The following RAE1 variants were observed in gnomAD, a reference collection of about 807,000 sequenced individuals.
RAE1 encodes mRNA export factor RAE1.
RAE1 carries 13 observed loss-of-function variants against 52.7 expected under a neutral mutation model. That is an observed-to-expected ratio of 0.25 (90% confidence interval 0.16 to 0.39). The LOEUF is 0.39. Ranked by LOEUF, RAE1 falls within the 10% of genes least tolerant of loss-of-function variation. RAE1 has a pLI of 1.00. For synonymous variants in RAE1, 164 were observed against 153.1 expected (o/e 1.07, Z -0.52); for missense variants, 262 against 459.8 (o/e 0.57, Z 3.93).
chr20:57,356,893 G>A (rs13433128), intron 4 of RAE1, among the ~76,000 whole-genome samples: 6,049 of 152,290 alleles, frequency 0.04, 177 homozygotes, highest in African/African-American at 0.089. Context: ...CACCTGGCGC[G>A]GGAGAGCCAG....
intron 4 of RAE1, among the ~76,000 whole-genome samples, chr20:57,361,476 G>A (rs1600714469): frequency 1.3e-5 from 2 of 152,292 alleles, no homozygotes; most frequent in South Asian, 2.1e-4. Flanking sequence ...GTTTACCTAG[G>A]TTGATGGTAA....
At chr20:57,370,514 C>CT (rs2067020928) in intron 8 of RAE1, among the ~76,000 whole-genome samples, 1 of 152,192 alleles carries the variant, frequency 6.6e-6, no homozygotes, top group Non-Finnish European at 1.5e-5. Flanking sequence ...GCCCTGTGGA[C>CT]TGGAGACTCG....
intron 1 of RAE1, 61 bp from the exon 2 acceptor site, chr20:57,353,971 C>A (rs751901486): frequency 7.1e-6 from 10 of 1,402,976 alleles, no homozygotes; most frequent in African/African-American, 1.4e-5. Flanking sequence ...AATTATCTTA[C>A]CATTGCCTCT....
At chr20:57,355,146 C>T (rs2066766170) in intron 3 of RAE1, among the ~76,000 whole-genome samples, 1 of 152,184 alleles carries the variant, frequency 6.6e-6, no homozygotes, top group South Asian at 2.1e-4. Context: ...TCTTGGCATC[C>T]TGACAGTGTT....
chr20:57,358,635 GAACA>G (rs757792113), intron 4 of RAE1: 9 of 184,646 alleles, frequency 4.9e-5, no homozygotes, highest in Non-Finnish European at 1.0e-4. Context: ...TTTAATCATT[GAACA>G]AACAAACTCT....
At chr20:57,370,516 G>A (rs1265682147) in intron 8 of RAE1, among the ~76,000 whole-genome samples, 1 of 152,172 alleles carries the variant, frequency 6.6e-6, no homozygotes, top group Non-Finnish European at 1.5e-5. Context: ...CCTGTGGACT[G>A]GAGACTCGTA....
chr20:57,377,640 G>A (rs1334473484), intron 11 of RAE1, among the ~76,000 whole-genome samples: 2 of 152,154 alleles, frequency 1.3e-5, no homozygotes, highest in African/African-American at 4.8e-5. Context: ...TACCCCGCAG[G>A]TCAGATGTCC....
intron 10 of RAE1, 82 bp downstream of exon 10, chr20:57,373,820 AG>A (rs1452504511): frequency 2.9e-6 from 4 of 1,399,270 alleles, no homozygotes; most frequent in Non-Finnish European, 4.0e-6. Flanking sequence ...GGATCAGAAA[AG>A]ACTCATCACT....
chr20:57,351,822 GT>G (rs1342061853), intron 1 of RAE1: 1 of 985,296 alleles, frequency 1.0e-6, no homozygotes, highest in Non-Finnish European at 1.2e-6. Flanking sequence ...TTTCGTAGCA[GT>G]TACCAGTCTC....
intron 8 of RAE1, chr20:57,373,199 GC>G (rs1439256781): frequency 2.3e-6 from 1 of 440,598 alleles, no homozygotes; most frequent in African/African-American, 2.0e-5. Flanking sequence ...AGCCCATGGG[GC>G]TCTGCTGGCG....
At chr20:57,372,707 G>T (rs576671265) in intron 8 of RAE1, 2 of 152,398 alleles carry the variant, frequency 1.3e-5, no homozygotes, top group African/African-American at 4.8e-5. Context: ...GATGCCAGAG[G>T]CTGCTTCTCC....
rs1467727700 is a variant in RAE1 at position 57,365,469 on chromosome 20, A to G, written c.375+27A>G. 9.3e-6 allele frequency: 14 copies of G among 1,512,452 alleles called. No homozygotes were observed. In the African/African-American group the frequency reaches 1.2e-4, roughly 13 times the overall value. The allele number at this position is 1,512,452 out of a possible 1,614,324, so 93.7% of individuals were successfully genotyped here. The stretch of plus-strand genomic sequence containing the variant: ...TAACAGAAGCCTCTGCAGAAAGGCT[A>G]GGCACAACTGGTACCCAGGACTGTG... On this transcript the variant is annotated intron_variant, in intron 5 of 11. Transcript: ENST00000395841.
At chr20:57,355,744 A>G (rs954285481) in intron 3 of RAE1, among the ~76,000 whole-genome samples, 18 of 152,358 alleles carry the variant, frequency 1.2e-4, no homozygotes, top group Middle Eastern at 3.4e-3. Context: ...TTTGAACTGT[A>G]GCCTACAGCA....
intron 4 of RAE1, among the ~76,000 whole-genome samples, chr20:57,356,892 C>T (rs948326025): frequency 2.6e-5 from 4 of 152,136 alleles, no homozygotes; most frequent in East Asian, 1.9e-4. Context: ...CCACCTGGCG[C>T]GGGAGAGCCA....
chr20:57,358,629 A>G, intron 4 of RAE1: 1 of 178,984 alleles, frequency 5.6e-6, no homozygotes, highest in Non-Finnish European at 1.2e-5. Context: ...TAGGACTTTA[A>G]TCATTGAACA....
At chr20:57,377,866 G>T in intron 11 of RAE1, 147 bp from the exon 12 acceptor site, 1 of 605,126 alleles carries the variant, frequency 1.7e-6, no homozygotes, top group Non-Finnish European at 2.8e-6. Context: ...GTTCTGCTTC[G>T]CATTTGACTT....
rs747338977 is a variant in RAE1, at chr20:57,366,843, G to A, written c.412G>A (p.Ala138Thr). 9 of 1,613,834 alleles carry A rather than the reference G, an allele frequency of 5.6e-6. No individual in the cohort carries two copies. Among genetic ancestry groups the A allele is most frequent in the South Asian group, 4.4e-5 (4 of 91,070 alleles). The change falls in exon 6 of 12, where the codon GCT (alanine) becomes ACT (threonine). Residue 138 changes from alanine (A) to threonine (T), a missense_variant. Transcript: ENST00000395841. The stretch of plus-strand genomic sequence containing the variant: ...TGTTAAAACCATCCATTGGATCAAA[G>A]CTCCAAACTACAGCTGTGTGATGAC... ...APVKTIHWIK[A>T]PNYSCVMTGS...
Position 57,367,029 on chromosome 20 carries a change from A to C in RAE1, c.484A>C (p.Asn162His). The change falls in exon 7 of 12, where the codon AAT (asparagine) becomes CAT (histidine). Residue 162 changes from asparagine to histidine, a missense_variant. By Grantham distance (68) the Asn-to-His change is moderately conservative. Transcript: ENST00000395841. ...TTAGTTTTGGGATACTCGATCGTCAAATCCTATGATGGTTTTGCAACTCCC... is the reference window on the plus strand; with the variant it reads ...TTAGTTTTGGGATACTCGATCGTCACATCCTATGATGGTTTTGCAACTCCC... ...TLKFWDTRSS[N>H]PMMVLQLPER... 6.2e-7 allele frequency: 1 copy of C among 1,610,618 alleles called. No individual in the cohort carries two copies. Among genetic ancestry groups the C allele is most frequent in the South Asian group, 1.1e-5 (1 of 91,008 alleles).
intron 4 of RAE1, among the ~76,000 whole-genome samples, chr20:57,362,983 G>T (rs1216763600): frequency 6.6e-6 from 1 of 152,160 alleles, no homozygotes; most frequent in Non-Finnish European, 1.5e-5. Context: ...GTTTCGCCAT[G>T]TTGCCGAGAC....
Sources: allele counts gnomAD v4.1 joint callset (sites outside exome capture counted in the v4.1 genomes callset), GRCh38; gene constraint gnomAD v4.1.1; transcripts MANE v1.5; gene names NCBI Gene and HGNC (gene_info 2026-07-23, HGNC 2026-07-21).